Variants in FAR2 observed in about 807,000 individuals in gnomAD.
FAR2 encodes the protein epididymis secretory protein Li 81.
FAR2 carries 19 observed loss-of-function variants against 56.0 expected under a neutral mutation model. That is an observed-to-expected ratio of 0.34 (90% CI 0.24 to 0.50). The LOEUF (loss-of-function observed/expected upper bound fraction) is 0.50. Ranked by LOEUF, FAR2 falls within the 20% of genes least tolerant of loss-of-function variation. FAR2 has a pLI of 0.98. For missense variants in FAR2, 508 were observed against 642.2 expected, an observed-to-expected ratio of 0.79 and a Z score of 2.26; for synonymous variants, 219 against 218.8, an observed-to-expected ratio of 1.00 and a Z score of -0.01.
chr12:29,279,157 T>C (rs572388050), intron 2 of FAR2, among the ~76,000 whole-genome samples: 2 of 152,252 alleles, frequency 1.3e-5, no homozygotes, highest in African/African-American at 4.8e-5. Flanking sequence ...AATTCTCAGA[T>C]GGCTCATTTT....
chr12:29,181,681 G>A (rs181990065), intron 1 of FAR2, among the ~76,000 whole-genome samples: 148 of 152,312 alleles, frequency 9.7e-4, no homozygotes, highest in Non-Finnish European at 1.5e-3. Flanking sequence ...CCAATCTAGG[G>A]TAAATCTGCC....
rs3222956 is a variant in FAR2, at chr12:29,194,521, C to CCACACACACACA, written c.-39+45142_-39+45153dup. On this transcript the variant is annotated intron_variant, in intron 1 of 11. Coordinates refer to ENST00000536681, the MANE Select transcript of FAR2 (RefSeq NM_001271783.2). ...GATTTAGGTTTCCAGGCTAGTGATG[C>CCACACACACACA]CACACACACACACACACACACACAC... Among the ~76,000 whole-genome samples, 261 of 140,886 alleles carry CCACACACACACA rather than the reference C, an allele frequency of 1.9e-3. 1 individual carries two copies. Among genetic ancestry groups the CCACACACACACA allele is most frequent in the East Asian group, 0.012 (57 of 4,640 alleles). 92.4% of individuals were successfully genotyped at this position (140,886 alleles called of 152,430 possible).
At chr12:29,197,021 T>A (rs1950149649) in intron 1 of FAR2, among the ~76,000 whole-genome samples, 1 of 152,202 alleles carries the variant, frequency 6.6e-6, no homozygotes, top group South Asian at 2.1e-4. Context: ...TGCTTCTTAA[T>A]CTATTTGAAG....
Position 29,333,925 on chromosome 12 carries a change from C to A in FAR2, c.*131C>A. On this transcript the variant is annotated 3_prime_UTR_variant, in exon 12 of 12. Transcript: ENST00000536681. ...AAATGTCACCTGTTATGTATTCGTC[C>A]CTATTCCTTAACTATGTATTTTTAT... 1.3e-6 allele frequency: 1 copy of A among 775,058 alleles called. No individual in the cohort carries two copies. The highest frequency in any genetic ancestry group is 2.0e-6 in the Non-Finnish European group (1 of 500,164). The allele number at this position is 775,058 out of a possible 1,614,324, so 48.0% of individuals were successfully genotyped here.
intron 1 of FAR2, among the ~76,000 whole-genome samples, chr12:29,267,388 A>G (rs757208832): frequency 1.3e-5 from 2 of 152,204 alleles, no homozygotes; most frequent in Non-Finnish European, 2.9e-5. Flanking sequence ...AGCACTATTA[A>G]GTGGATACTT....
chr12:29,219,811 C>CT (rs1407623689), intron 1 of FAR2, among the ~76,000 whole-genome samples: 1 of 152,066 alleles, frequency 6.6e-6, no homozygotes, highest in Non-Finnish European at 1.5e-5. Context: ...TTCCTTTATC[C>CT]TAAAAGCTAT....
chr12:29,236,559 AAG>A (rs1444757875), intron 1 of FAR2, among the ~76,000 whole-genome samples: 2 of 152,168 alleles, frequency 1.3e-5, no homozygotes, highest in Non-Finnish European at 2.9e-5. Flanking sequence ...GTGGGAGAGA[AAG>A]AGAGTGATAG....
intron 1 of FAR2, among the ~76,000 whole-genome samples, chr12:29,212,738 CT>C (rs1223836165): frequency 6.6e-6 from 1 of 152,192 alleles, no homozygotes; most frequent in Non-Finnish European, 1.5e-5. Flanking sequence ...ACCTAAACTT[CT>C]TTTTAACTAC....
intron 7 of FAR2, among the ~76,000 whole-genome samples, chr12:29,311,369 A>G (rs560133602): frequency 4.6e-5 from 7 of 152,268 alleles, no homozygotes; most frequent in African/African-American, 1.7e-4. Context: ...AAACCTTTAA[A>G]TCACTTAACC....
At chr12:29,182,706 G>C (rs990119362) in intron 1 of FAR2, among the ~76,000 whole-genome samples, 5 of 152,164 alleles carry the variant, frequency 3.3e-5, no homozygotes, top group African/African-American at 9.7e-5. Flanking sequence ...TTAAGAGATT[G>C]GTTTAGTTGG....
At chr12:29,213,463 G>A (rs1339322230) in intron 1 of FAR2, among the ~76,000 whole-genome samples, 1 of 152,168 alleles carries the variant, frequency 6.6e-6, no homozygotes, top group Non-Finnish European at 1.5e-5. Context: ...GCCAAGGCGG[G>A]TAGATCACCT....
At chr12:29,256,054 T>C (rs1948311234) in intron 1 of FAR2, among the ~76,000 whole-genome samples, 1 of 152,070 alleles carries the variant, frequency 6.6e-6, no homozygotes, top group Admixed American at 6.5e-5. Flanking sequence ...TATTTTTTAG[T>C]AGAGACAGGG....
chr12:29,182,641 G>A (rs1307184424), intron 1 of FAR2, among the ~76,000 whole-genome samples: 4 of 152,170 alleles, frequency 2.6e-5, no homozygotes, highest in African/African-American at 9.7e-5. Context: ...AAGACAATGA[G>A]TTTCTGGTTA....
chr12:29,326,045 C>A (rs953790400), intron 10 of FAR2, among the ~76,000 whole-genome samples: 22 of 151,160 alleles, frequency 1.5e-4, no homozygotes, highest in Non-Finnish European at 2.7e-4. Flanking sequence ...ATCAAATAGA[C>A]GCAATAAAAA....
intron 1 of FAR2, among the ~76,000 whole-genome samples, chr12:29,190,759 G>T (rs7969731): frequency 6.6e-6 from 1 of 151,854 alleles, no homozygotes; most frequent in African/African-American, 2.4e-5. Context: ...CACCGCGCCC[G>T]GCCAAAATTC....
intron 1 of FAR2, among the ~76,000 whole-genome samples, chr12:29,166,537 C>T (rs1271300952): frequency 2.0e-5 from 3 of 152,170 alleles, no homozygotes; most frequent in African/African-American, 7.2e-5. Flanking sequence ...CAGATTATTC[C>T]CTGATATTTA....
At chr12:29,312,039 T>C in intron 8 of FAR2, 89 bp downstream of exon 8, 1 of 911,094 alleles carries the variant, frequency 1.1e-6, no homozygotes, top group South Asian at 1.6e-5. Context: ...TTAGAGCTTA[T>C]ATGGGGAGAA....
In FAR2 at chr12:29,296,870, C is replaced by A. The variant is rs1267607266; in HGVS notation, c.366-151C>A. ...ATAAAACATTCCGAGTATCACATAA[C>A]TGTGTAGCCATGACCCATCCTTCTC... On this transcript the variant is annotated intron_variant, in intron 3 of 11. Transcript: ENST00000536681. The A allele has an allele frequency of 6.2e-6, 4 of 648,930 alleles. No homozygotes were observed. The East Asian group carries it at 1.1e-4, about 17-fold the overall frequency. 40.2% of individuals were successfully genotyped at this position (648,930 alleles called of 1,614,324 possible).
At chr12:29,259,092 T>A (rs1948375350) in intron 1 of FAR2, among the ~76,000 whole-genome samples, 2 of 152,208 alleles carry the variant, frequency 1.3e-5, no homozygotes, top group Admixed American at 1.3e-4. Flanking sequence ...TTTGGACTTG[T>A]TAAAGAATGT....
Sources: allele counts gnomAD v4.1 joint callset (sites outside exome capture counted in the v4.1 genomes callset), GRCh38; gene constraint gnomAD v4.1.1; transcripts MANE v1.5; gene names NCBI Gene and HGNC (gene_info 2026-07-23, HGNC 2026-07-21).